Variants in AKR1C3 observed in about 807,000 individuals in gnomAD.
The protein encoded by AKR1C3 is 3-alpha hydroxysteroid dehydrogenase, type II.
In AKR1C3, 48 loss-of-function variants were observed where a neutral mutation model predicts 43.6. That is an observed-to-expected ratio of 1.10 (90% CI 0.87 to 1.40). The LOEUF is 1.40. Among genes scored for constraint, AKR1C3 ranks in the 40% most tolerant of loss-of-function variants. The pLI is 0.00. For missense variants in AKR1C3, 482 were observed against 391.2 expected (o/e 1.23, Z -1.96); for synonymous variants, 162 against 139.6 (o/e 1.16, Z -1.13).
At chr10:5,082,620 C>T (rs1838862229) in intron 1 of AKR1C3, among the ~76,000 whole-genome samples, 1 of 152,020 alleles carries the variant, frequency 6.6e-6, no homozygotes, top group Non-Finnish European at 1.5e-5. Context: ...TATGTTTAAT[C>T]ATCCTTGCAT....
At chr10:5,069,827 T>C (rs1395987026) in intron 1 of AKR1C3, among the ~76,000 whole-genome samples, 2 of 151,572 alleles carry the variant, frequency 1.3e-5, no homozygotes, top group African/African-American at 4.9e-5. Flanking sequence ...TGAGCTGAGA[T>C]CACACCATTG....
intron 1 of AKR1C3, among the ~76,000 whole-genome samples, chr10:5,050,896 A>G (rs560835402): frequency 6.6e-6 from 1 of 152,350 alleles, no homozygotes; most frequent in East Asian, 1.9e-4. Flanking sequence ...AGACAGCCTA[A>G]TTGCTACCAG....
intron 1 of AKR1C3, among the ~76,000 whole-genome samples, chr10:5,082,958 T>A (rs1554782544): frequency 6.6e-6 from 1 of 152,190 alleles, no homozygotes; most frequent in African/African-American, 2.4e-5. Context: ...AATTACTGAT[T>A]TGATTTAATT....
At chr10:5,103,967 T>C (rs868935165) in intron 7 of AKR1C3, among the ~76,000 whole-genome samples, 3 of 152,142 alleles carry the variant, frequency 2.0e-5, no homozygotes, top group South Asian at 4.1e-4. Flanking sequence ...TAATAAGATA[T>C]ATGAGATAGA....
At chr10:5,102,436 C>A (rs539614813) in intron 6 of AKR1C3, 49 bp from the exon 7 acceptor site, 4 of 1,262,198 alleles carry the variant, frequency 3.2e-6, no homozygotes, top group Admixed American at 4.6e-5. Context: ...AGCCGCCTAA[C>A]AAACTATCGC....
chr10:5,080,921 T>G (rs1274393770), intron 1 of AKR1C3: 1 of 151,930 alleles, frequency 6.6e-6, no homozygotes, highest in Non-Finnish European at 1.5e-5. Context: ...AACCTCAAAT[T>G]CACTGCCCCA....
intron 2 of AKR1C3, 113 bp from the exon 3 acceptor site, chr10:5,097,321 A>G: frequency 1.6e-6 from 2 of 1,261,848 alleles, no homozygotes; most frequent in Non-Finnish European, 2.2e-6. Flanking sequence ...TATGTTTGCC[A>G]GTGGTCATAA....
chr10:5,094,452 C>T lies in AKR1C3; in HGVS notation c.8C>T (p.Ser3Phe). The T allele has an allele frequency of 6.2e-7, 1 of 1,612,118 alleles. No individual in the cohort carries two copies. Among genetic ancestry groups the T allele is most frequent in the Non-Finnish European group, 8.5e-7 (1 of 1,178,556 alleles). ...TCAGACAAGTGACAGGGAATGGATT[C>T]CAAACACCAGTGTGTAAAGCTAAAT... Reference protein sequence around the residue: MDSKHQCVKLNDG... With the variant: MDFKHQCVKLNDG... The change falls in exon 1 of 9, where the codon TCC (serine) becomes TTC (phenylalanine). Residue 3 changes from serine to phenylalanine, a missense_variant. Transcript: ENST00000380554.
chr10:5,069,519 G>A (rs958949320), intron 1 of AKR1C3, among the ~76,000 whole-genome samples: 11 of 152,122 alleles, frequency 7.2e-5, no homozygotes, highest in African/African-American at 2.7e-4. Flanking sequence ...TTTGCCTACT[G>A]AATTATGTGT....
At chr10:5,048,825 A>T (rs782296942) in exon 1 of AKR1C3, 2 of 1,613,876 alleles carry the variant, frequency 1.2e-6, no homozygotes, top group Non-Finnish European at 1.7e-6. Context: ...GATTCAAAAC[A>T]TCAGTGTTTG....
chr10:5,096,710 T>C (rs1839216276), intron 2 of AKR1C3, 133 bp downstream of exon 2: 1 of 1,398,556 alleles, frequency 7.2e-7, no homozygotes, highest in Non-Finnish European at 9.5e-7. Flanking sequence ...CATACTCACA[T>C]ACTAAAACTG....
intron 1 of AKR1C3, among the ~76,000 whole-genome samples, chr10:5,072,578 C>T (rs1554781422): frequency 6.6e-6 from 1 of 152,152 alleles, no homozygotes; most frequent in Admixed American, 6.5e-5. Context: ...AGAGACAACT[C>T]TTTGGAAATG....
intron 1 of AKR1C3, among the ~76,000 whole-genome samples, chr10:5,095,120 A>T (rs1259526677): frequency 6.6e-6 from 1 of 152,164 alleles, no homozygotes; most frequent in East Asian, 1.9e-4. Flanking sequence ...AACAAAGGAA[A>T]GTCTAAATTC....
At chr10:5,098,129 GGCTAGT>G in intron 3 of AKR1C3, 1 of 986,600 alleles carries the variant, frequency 1.0e-6, no homozygotes, top group Non-Finnish European at 1.2e-6. Flanking sequence ...AAACTACTCA[GGCTAGT>G]TAATGCAAAA....
chr10:5,105,535 T>G (rs1839478146), intron 7 of AKR1C3, 60 bp from the exon 8 acceptor site: 1 of 1,280,726 alleles, frequency 7.8e-7, no homozygotes, highest in Non-Finnish European at 1.1e-6. Context: ...TACTGTCTAA[T>G]ATACTTGGGG....
chr10:5,071,741 C>G (rs1554781338), intron 1 of AKR1C3, among the ~76,000 whole-genome samples: 1 of 152,246 alleles, frequency 6.6e-6, no homozygotes, highest in African/African-American at 2.4e-5. Context: ...GTCTCCCAGT[C>G]TCACAGAGGG....
intron 1 of AKR1C3, among the ~76,000 whole-genome samples, chr10:5,060,246 A>G (rs999906149): frequency 3.9e-5 from 6 of 152,162 alleles, no homozygotes; most frequent in African/African-American, 1.4e-4. Context: ...GGGGACCCGA[A>G]CAGGTTGCCA....
chr10:5,054,454 T>C, intron 1 of AKR1C3, among the ~76,000 whole-genome samples: 1 of 152,120 alleles, frequency 6.6e-6, no homozygotes, highest in East Asian at 1.9e-4. Context: ...AATGTTAATG[T>C]TGGGATTTAG....
chr10:5,077,694 C>T (rs1345526042), intron 1 of AKR1C3: 18 of 1,132,024 alleles, frequency 1.6e-5, no homozygotes, highest in Non-Finnish European at 1.9e-5. Flanking sequence ...GCCATTGAAA[C>T]TAACCAAACA....
Sources: gnomAD v4.1 joint callset for allele counts (sites outside exome capture counted in the v4.1 genomes callset) on GRCh38, gnomAD v4.1.1 for gene constraint, MANE v1.5 for transcripts, NCBI Gene and HGNC (gene_info 2026-07-23, HGNC 2026-07-21) for gene names.